PDZD4: variants seen among roughly 807,000 people sequenced by gnomAD.
PDZD4 encodes PDZ domain containing 4.
A neutral mutation model predicts 38.5 loss-of-function variants in PDZD4; 9 were observed. That is an observed-to-expected ratio of 0.23 (90% CI 0.14 to 0.41). The LOEUF (loss-of-function observed/expected upper bound fraction) is 0.41. Ranked by LOEUF, PDZD4 falls within the 10% of genes least tolerant of loss-of-function variation. The probability of loss-of-function intolerance (pLI) is 1.00; values close to 1 mark genes in which losing one functional copy is unlikely to be tolerated. For synonymous variants in PDZD4, 349 were observed against 315.7 expected, an observed-to-expected ratio of 1.11 and a Z score of -1.12; for missense variants, 612 against 722.0, an observed-to-expected ratio of 0.85 and a Z score of 1.75.
intron 1 of PDZD4, among the ~76,000 whole-genome samples, chrX:153,814,951 C>T (rs184152029): frequency 1.8e-5 from 2 of 112,558 alleles, no homozygotes; most frequent in Admixed American, 9.4e-5. Flanking sequence ...TACAAATTTT[C>T]GCATTTCCTT....
chrX:153,821,289 G>T (rs782295163), intron 1 of PDZD4, among the ~76,000 whole-genome samples: 65 of 110,692 alleles, frequency 5.9e-4, no homozygotes, highest in Non-Finnish European at 8.3e-4. Flanking sequence ...CATGTATACC[G>T]GTAGGGGTGC....
intron 1 of PDZD4, among the ~76,000 whole-genome samples, chrX:153,819,365 C>G (rs1749050775): frequency 8.9e-6 from 1 of 112,955 alleles, no homozygotes; most frequent in Admixed American, 9.3e-5. Context: ...GCCGGAGAGG[C>G]TAAGAAAACA....
chrX:153,816,997 G>A (rs914562559), intron 1 of PDZD4, among the ~76,000 whole-genome samples: 2 of 110,919 alleles, frequency 1.8e-5, no homozygotes, highest in African/African-American at 3.3e-5. Flanking sequence ...AGGAAAAGAC[G>A]CGTCAGCACC....
intron 2 of PDZD4, 198 bp downstream of exon 2, chrX:153,808,144 G>A: frequency 9.3e-7 from 1 of 1,074,887 alleles, no homozygotes; most frequent in Non-Finnish European, 1.2e-6. Flanking sequence ...TCGGCCCTGG[G>A]GGTAGATACA....
At chrX:153,820,298 C>T (rs2064408311) in intron 1 of PDZD4, among the ~76,000 whole-genome samples, 2 of 90,637 alleles carry the variant, frequency 2.2e-5, no homozygotes, top group African/African-American at 8.6e-5. Flanking sequence ...TGCAGTGAGC[C>T]GAGATCGTGC....
intron 1 of PDZD4, among the ~76,000 whole-genome samples, chrX:153,828,412 C>A (rs1300653457): frequency 1.8e-5 from 2 of 113,153 alleles, no homozygotes; most frequent in African/African-American, 6.4e-5. Context: ...TCAAAGGGAG[C>A]CCAGCAGGAA....
rs1325565773 is a variant in PDZD4, at chrX:153,813,471, C to G, written c.61-4876G>C. ...GATGTGGGCATGAAGGCCACAGTGG[C>G]CAAACACCAGGGACAGCCCAAAGGT... On this transcript the variant is annotated intron_variant, in intron 1 of 7. Transcript: ENST00000393758. Among the ~76,000 whole-genome samples the G allele has an allele frequency of 4.5e-5, 5 of 112,355 alleles. No individual in the cohort carries two copies. In the Admixed American group the frequency reaches 4.7e-4, roughly 11 times the overall value.
At chrX:153,822,623 TTC>T (rs372129887) in intron 1 of PDZD4, among the ~76,000 whole-genome samples, 13 of 89,681 alleles carry the variant, frequency 1.4e-4, no homozygotes, top group African/African-American at 2.1e-4. Context: ...TGTTTTTTCT[TTC>T]TCTCTCTCTC....
chrX:153,824,219 A>T (rs2064456613), intron 1 of PDZD4, among the ~76,000 whole-genome samples: 1 of 111,338 alleles, frequency 9.0e-6, no homozygotes, highest in Admixed American at 9.5e-5. Flanking sequence ...AGTCCTCAGG[A>T]ACCCCGAGAT....
rs781866956 is a variant in PDZD4 at position 153,811,804 on chromosome X, G to C, written c.61-3209C>G. On this transcript the variant is annotated intron_variant, in intron 1 of 7. Coordinates refer to ENST00000393758, the MANE Select transcript of PDZD4 (RefSeq NM_001303512.2). Reference sequence around the variant, plus strand: ...GTGCTTGGTGGAGAGGCTACAGTTAGAAAGGCAGGATGGAAGAGGGTGGGC... The same window carrying C: ...GTGCTTGGTGGAGAGGCTACAGTTACAAAGGCAGGATGGAAGAGGGTGGGC... Among the ~76,000 whole-genome samples, 6 of 111,970 alleles carry C rather than the reference G, an allele frequency of 5.4e-5. No individual in the cohort carries two copies. The South Asian group carries it at 2.2e-3, about 42-fold the overall frequency.
At chrX:153,810,523 G>T (rs1229839362) in intron 1 of PDZD4, among the ~76,000 whole-genome samples, 12 of 113,173 alleles carry the variant, frequency 1.1e-4, no homozygotes, top group African/African-American at 3.8e-4. Context: ...TGTGCCAGAT[G>T]AGAGGGCAGA....
chrX:153,824,051 G>A (rs1334186520), intron 1 of PDZD4, among the ~76,000 whole-genome samples: 2 of 111,896 alleles, frequency 1.8e-5, no homozygotes, highest in Non-Finnish European at 3.8e-5. Context: ...CAAAGGGCAG[G>A]TGTTCATATG....
intron 1 of PDZD4, chrX:153,829,565 G>T: frequency 3.7e-6 from 1 of 267,764 alleles, no homozygotes; most frequent in Non-Finnish European, 5.1e-6. Flanking sequence ...CCACGCACAG[G>T]CAAGAAGCCC....
chrX:153,826,570 C>T (rs1557082566), intron 1 of PDZD4, among the ~76,000 whole-genome samples: 1 of 109,939 alleles, frequency 9.1e-6, no homozygotes, highest in Non-Finnish European at 1.9e-5. Flanking sequence ...CACCATGCCC[C>T]GTTAATTTTT....
chrX:153,824,475 G>A (rs1557082060), intron 1 of PDZD4, among the ~76,000 whole-genome samples: 1 of 111,156 alleles, frequency 9.0e-6, no homozygotes, highest in Non-Finnish European at 1.9e-5. Context: ...GTGCTGGTGA[G>A]GCGGGGAGGC....
At chrX:153,806,986 T>G (rs1340887278) in intron 3 of PDZD4, 146 bp from the exon 4 acceptor site, 2 of 528,591 alleles carry the variant, frequency 3.8e-6, no homozygotes, top group Admixed American at 3.2e-5. Flanking sequence ...TGAGCTCAGT[T>G]TCCAGGCCCC....
chrX:153,804,176 ATGGCCCGCCGCAG>A lies in PDZD4; in HGVS notation c.1492_1504del (p.Leu498TrpfsTer7). 8.4e-7 allele frequency: 1 copy of A among 1,185,252 alleles called. No individual in the cohort carries two copies. The highest frequency in any genetic ancestry group is 2.6e-4 in the Middle Eastern group (1 of 3,820). ...CCGGTTCAAGTTGGAGTTGCCGGCC[ATGGCCCGCCGCAG>A]GGGGCTCTCGGGCAGGGGCTCCACA... On this transcript the variant is annotated frameshift_variant, in exon 8 of 8. Transcript: ENST00000393758. LOFTEE classifies it high-confidence loss of function.
In PDZD4 at chrX:153,804,147, G is replaced by C; in HGVS notation, c.1534C>G (p.Pro512Ala). Residue 512 changes from proline to alanine, a missense_variant, in exon 8 of 8, where the codon CCT becomes GCT. Coordinates refer to ENST00000393758, the MANE Select transcript of PDZD4 (RefSeq NM_001303512.2). ...MAGNSNLNRT[P>A]PGPAVATPAK... ...GGGGTGGCAACAGCGGGGCCGGGAG[G>C]GGTCCGGTTCAAGTTGGAGTTGCCG... is the stretch of plus-strand genomic sequence containing the variant. 18 of 1,157,530 alleles carry C rather than the reference G, an allele frequency of 1.6e-5. No individual in the cohort carries two copies. Among genetic ancestry groups the C allele is most frequent in the Non-Finnish European group, 1.8e-5 (16 of 870,211 alleles).
At chrX:153,829,950 G>T (rs1398862465) in intron 1 of PDZD4, 6 of 796,147 alleles carry the variant, frequency 7.5e-6, no homozygotes, top group Non-Finnish European at 9.4e-6. Flanking sequence ...GAGCGTGTGC[G>T]GGGAACTGCG....
Sources: allele counts gnomAD v4.1 joint callset (sites outside exome capture counted in the v4.1 genomes callset), GRCh38; gene constraint gnomAD v4.1.1; transcripts MANE v1.5; gene names NCBI Gene and HGNC (gene_info 2026-07-23, HGNC 2026-07-21).